Variants in FBXL7 observed in about 807,000 individuals in gnomAD.
The protein encoded by FBXL7 is F-box and leucine rich repeat protein 7.
In FBXL7, 12 loss-of-function variants were observed where a neutral mutation model predicts 38.3. The ratio of observed to expected loss-of-function variants is 0.31; its 90% CI spans 0.20 to 0.51. The LOEUF is 0.51. FBXL7 is among the 20% of genes least tolerant of loss of function. FBXL7 has a pLI of 0.98. For missense variants in FBXL7, 567 were observed against 676.4 expected (o/e 0.84, Z 1.79); for synonymous variants, 297 against 300.9 (o/e 0.99, Z 0.13).
chr5:15,718,902 A>G (rs1561098494), intron 2 of FBXL7, among the ~76,000 whole-genome samples: 1 of 152,226 alleles, frequency 6.6e-6, no homozygotes, highest in Non-Finnish European at 1.5e-5. Context: ...GCCTTTGCCC[A>G]AAGATAAGCC....
chr5:15,813,983 T>C (rs912275516), intron 2 of FBXL7, among the ~76,000 whole-genome samples: 5 of 151,994 alleles, frequency 3.3e-5, no homozygotes, highest in Admixed American at 6.6e-5. Flanking sequence ...TTGGTGGGAG[T>C]GTAAATTAGT....
intron 1 of FBXL7, among the ~76,000 whole-genome samples, chr5:15,538,017 A>G (rs1424619266): frequency 1.3e-5 from 2 of 152,184 alleles, no homozygotes; most frequent in African/African-American, 2.4e-5. Flanking sequence ...TTAAATATCA[A>G]CTAGACCCAG....
At chr5:15,842,417 G>A (rs1045164516) in intron 2 of FBXL7, among the ~76,000 whole-genome samples, 2 of 152,146 alleles carry the variant, frequency 1.3e-5, no homozygotes, top group Admixed American at 6.5e-5. Context: ...ACTTTCTTTC[G>A]AATTTACAGG....
chr5:15,555,302 T>G (rs1738197881), intron 1 of FBXL7, among the ~76,000 whole-genome samples: 1 of 152,202 alleles, frequency 6.6e-6, no homozygotes, highest in South Asian at 2.1e-4. Context: ...TTCTTAGAAA[T>G]CAAAGGCCTG....
At chr5:15,660,343 C>T (rs534482340) in intron 2 of FBXL7, among the ~76,000 whole-genome samples, 2 of 152,190 alleles carry the variant, frequency 1.3e-5, no homozygotes, top group African/African-American at 2.4e-5. Flanking sequence ...AAAAAAGGCC[C>T]CCACTCTAGC....
At chr5:15,838,041 GA>G (rs1389144494) in intron 2 of FBXL7, among the ~76,000 whole-genome samples, 5 of 152,162 alleles carry the variant, frequency 3.3e-5, no homozygotes, top group Non-Finnish European at 7.3e-5. Flanking sequence ...CATGGAGCAA[GA>G]GGACTGTTGT....
At position 15,838,557 on chromosome 5, in the gene FBXL7, A is replaced by T. The variant is rs183053297; in HGVS notation, c.128-89333A>T. The stretch of plus-strand genomic sequence containing the variant: ...CACCACATTAGGGATTTAGATAAGC[A>T]CACCCTAGACGGATATTGAGCATCC... On this transcript the variant is annotated intron_variant, in intron 2 of 3. Coordinates refer to ENST00000504595, the MANE Select transcript of FBXL7 (RefSeq NM_012304.5). 2.6e-5 allele frequency among the ~76,000 whole-genome samples: 4 copies of T among 152,342 alleles called. No homozygotes were observed. In the East Asian group the frequency reaches 7.7e-4, roughly 29 times the overall value.
At chr5:15,709,014 A>G (rs193106502) in intron 2 of FBXL7, among the ~76,000 whole-genome samples, 2 of 152,272 alleles carry the variant, frequency 1.3e-5, no homozygotes. Flanking sequence ...TCATACTTGC[A>G]TGACATTGTT....
chr5:15,672,094 T>C (rs1742496923), intron 2 of FBXL7, among the ~76,000 whole-genome samples: 1 of 152,184 alleles, frequency 6.6e-6, no homozygotes. Flanking sequence ...GACTATACTC[T>C]GGGTTGTGTC....
intron 2 of FBXL7, among the ~76,000 whole-genome samples, chr5:15,731,545 C>T (rs1032845219): frequency 1.3e-5 from 2 of 151,884 alleles, no homozygotes; most frequent in African/African-American, 4.8e-5. Context: ...CAGAGCCAAA[C>T]CATATCAAGG....
intron 2 of FBXL7, among the ~76,000 whole-genome samples, chr5:15,696,404 C>G (rs547926228): frequency 1.3e-5 from 2 of 152,136 alleles, no homozygotes; most frequent in Non-Finnish European, 2.9e-5. Context: ...CTAGACATAT[C>G]CTAGGATTTA....
intron 2 of FBXL7, among the ~76,000 whole-genome samples, chr5:15,631,834 G>T (rs927010266): frequency 7.2e-5 from 11 of 151,996 alleles, no homozygotes. Context: ...ACACATCCTG[G>T]TCAGAAACCA....
intron 2 of FBXL7, among the ~76,000 whole-genome samples, chr5:15,627,776 G>A (rs1740866939): frequency 6.6e-6 from 1 of 152,114 alleles, no homozygotes; most frequent in Non-Finnish European, 1.5e-5. Flanking sequence ...GGAAATATTT[G>A]CCCTTTACAG....
At chr5:15,525,477 A>T (rs1023567418) in intron 1 of FBXL7, among the ~76,000 whole-genome samples, 6 of 152,188 alleles carry the variant, frequency 3.9e-5, no homozygotes, top group Non-Finnish European at 7.3e-5. Flanking sequence ...AAATGAGGAC[A>T]TTGAAGCTGG....
chr5:15,607,677 C>A (rs1219846233), intron 1 of FBXL7, among the ~76,000 whole-genome samples: 1 of 152,188 alleles, frequency 6.6e-6, no homozygotes, highest in Non-Finnish European at 1.5e-5. Flanking sequence ...GAAGAAAAAA[C>A]CAGGACATTC....
At chr5:15,582,763 A>G (rs557088363) in intron 1 of FBXL7, among the ~76,000 whole-genome samples, 2 of 152,284 alleles carry the variant, frequency 1.3e-5, no homozygotes, top group African/African-American at 4.8e-5. Flanking sequence ...CTTCATTTCC[A>G]TACTACTAGA....
intron 2 of FBXL7, among the ~76,000 whole-genome samples, chr5:15,760,140 G>T (rs1303788582): frequency 3.3e-5 from 5 of 151,912 alleles, no homozygotes; most frequent in African/African-American, 1.2e-4. Flanking sequence ...TTGAGGCATT[G>T]CTGGGAGAAG....
intron 2 of FBXL7, among the ~76,000 whole-genome samples, chr5:15,794,678 A>C (rs917795908): frequency 2.6e-5 from 4 of 152,142 alleles, no homozygotes; most frequent in African/African-American, 9.7e-5. Flanking sequence ...GAGTTGGGTG[A>C]GCAGCTTTGT....
At chr5:15,755,848 G>A (rs556660752) in intron 2 of FBXL7, among the ~76,000 whole-genome samples, 2 of 152,278 alleles carry the variant, frequency 1.3e-5, no homozygotes, top group Admixed American at 6.5e-5. Context: ...CACTGAAGAC[G>A]TTTGTGGCAA....
Sources: gnomAD v4.1 joint callset for allele counts (sites outside exome capture counted in the v4.1 genomes callset) on GRCh38, gnomAD v4.1.1 for gene constraint, MANE v1.5 for transcripts, NCBI Gene and HGNC (gene_info 2026-07-23, HGNC 2026-07-21) for gene names.